Variants in UFL1 observed in about 807,000 individuals in gnomAD.
UFL1 encodes the protein E3 UFM1-protein ligase 1.
In UFL1, 78 loss-of-function variants were observed where a neutral mutation model predicts 99.3. The observed-to-expected ratio is 0.79, with a 90% CI of 0.65 to 0.95. The LOEUF is 0.95. Among genes scored for constraint, UFL1 ranks in the 40% least tolerant of loss-of-function variants. UFL1 has a pLI of 0.00. For synonymous variants in UFL1, 335 were observed against 322.2 expected, an observed-to-expected ratio of 1.04 and a Z score of -0.42; for missense variants, 936 against 937.0, an observed-to-expected ratio of 1.00 and a Z score of 0.01.
At chr6:96,550,021 T>A in intron 15 of UFL1, among the ~76,000 whole-genome samples, 1 of 151,914 alleles carries the variant, frequency 6.6e-6, no homozygotes, top group African/African-American at 2.4e-5. Flanking sequence ...TTAATTACTT[T>A]AGAATAAACA....
rs779149142 is a variant in UFL1 at position 96,523,175 on chromosome 6, T to G, written c.107T>G (p.Val36Gly). The G allele has an allele frequency of 6.2e-7, 1 of 1,612,770 alleles. No individual in the cohort carries two copies. The highest frequency in any genetic ancestry group is 8.5e-7 in the Non-Finnish European group (1 of 1,179,406). The change falls in exon 2 of 19, where the codon GTT (valine) becomes GGT (glycine). Residue 36 changes from valine to glycine, a missense_variant. Coordinates refer to ENST00000369278, the MANE Select transcript of UFL1 (RefSeq NM_015323.5). ...TCCGAGCGGAACTGCATTGAGATTG[T>G]TAATAAATTGATTGCTCAGAAACAG... ...RLSERNCIEI[V>G]NKLIAQKQLE... is the part of the protein sequence containing the mutation.
At chr6:96,523,110 G>A (rs1321058825) in intron 1 of UFL1, 36 bp from the exon 2 acceptor site, 1 of 1,570,378 alleles carries the variant, frequency 6.4e-7, no homozygotes, top group African/African-American at 1.4e-5. Flanking sequence ...AATGTCTCAA[G>A]TGGACTTTTG....
chr6:96,550,236 G>A (rs1770058854), intron 15 of UFL1, among the ~76,000 whole-genome samples: 1 of 151,722 alleles, frequency 6.6e-6, no homozygotes, highest in Non-Finnish European at 1.5e-5. Flanking sequence ...GCTATGTAAT[G>A]TAGAGAATGG....
Position 96,541,951 on chromosome 6 carries a change from TAGA to T in UFL1, c.1280-940_1280-938del, listed in dbSNP as rs757435685. ...TATTATAAAAGAAAGGGAAAAATAA[TAGA>T]AGTTTAAATCTAGGATGTGATGAAA... is the stretch of plus-strand genomic sequence containing the variant. On this transcript the variant is annotated intron_variant, in intron 11 of 18. Coordinates refer to ENST00000369278, the MANE Select transcript of UFL1 (RefSeq NM_015323.5). Among the ~76,000 whole-genome samples the T allele has an allele frequency of 3.3e-5, 5 of 151,262 alleles. No individual in the cohort carries two copies. In the East Asian group the frequency reaches 9.7e-4, roughly 29 times the overall value.
At chr6:96,547,394 A>G (rs765016366) in intron 12 of UFL1, among the ~76,000 whole-genome samples, 3 of 151,596 alleles carry the variant, frequency 2.0e-5, no homozygotes, top group Non-Finnish European at 3.0e-5. Context: ...TTCAACCTCT[A>G]TGGAAAACAG....
At chr6:96,522,023 A>G (rs1317641583) in intron 1 of UFL1, 73 bp downstream of exon 1, 2 of 1,502,968 alleles carry the variant, frequency 1.3e-6, no homozygotes, top group Admixed American at 3.8e-5. Flanking sequence ...CTGGGACTTT[A>G]GACCCGCGGC....
chr6:96,542,834 T>C (rs1306894851), intron 11 of UFL1, 60 bp from the exon 12 acceptor site: 4 of 1,445,814 alleles, frequency 2.8e-6, no homozygotes, highest in East Asian at 5.3e-5. Flanking sequence ...TATAGTGTCA[T>C]TATTTTATAA....
At chr6:96,532,597 G>A (rs1024604778) in intron 6 of UFL1, among the ~76,000 whole-genome samples, 2 of 152,208 alleles carry the variant, frequency 1.3e-5, no homozygotes, top group Non-Finnish European at 2.9e-5. Flanking sequence ...AGAGTATATT[G>A]TTGAAAGGAT....
At chr6:96,551,740 G>T in intron 16 of UFL1, 98 bp from the exon 17 acceptor site, 1 of 872,814 alleles carries the variant, frequency 1.1e-6, no homozygotes, top group Non-Finnish European at 1.8e-6. Flanking sequence ...TTTAAAAATT[G>T]TATTTGGGAT....
chr6:96,537,641 T>G, intron 9 of UFL1, 92 bp downstream of exon 9: 1 of 1,318,998 alleles, frequency 7.6e-7, no homozygotes, highest in Non-Finnish European at 1.0e-6. Context: ...TACATAAAGG[T>G]GGTCTTGGCT....
rs769958694 is a variant in UFL1, at chr6:96,549,434, G to A, written c.1543G>A (p.Glu515Lys). 76 of 1,596,016 alleles carry A rather than the reference G, an allele frequency of 4.8e-5. No individual in the cohort carries two copies. Among genetic ancestry groups the A allele is most frequent in the Non-Finnish European group, 5.7e-5 (67 of 1,174,980 alleles). The change falls in exon 14 of 19, where the codon GAG becomes AAG. Residue 515 changes from glutamate to lysine, a missense_variant. Coordinates refer to ENST00000369278, the MANE Select transcript of UFL1 (RefSeq NM_015323.5). ...LIKPLNKTYL[E>K]VVRSVFMSST... ...CAGACCTCTTAATAAAACTTATCTC[G>A]AGGTGGTACGTTCAGTATTCATGTC...
At position 96,524,427 on chromosome 6, in the gene UFL1, T is replaced by C. The variant is rs755007080; in HGVS notation, c.252+17T>C. The C allele has an allele frequency of 6.4e-7, 1 of 1,567,778 alleles. No homozygotes were observed. The highest frequency in any genetic ancestry group is 2.0e-5 in the Admixed American group (1 of 50,008). ...CTACAACAGGTAGGTTTTAAATTTA[T>C]AAAATTTTTGCTTTACTTTCTCAAT... is the stretch of plus-strand genomic sequence containing the variant. On this transcript the variant is annotated intron_variant, in intron 3 of 18. Coordinates refer to ENST00000369278, the MANE Select transcript of UFL1 (RefSeq NM_015323.5).
rs1770133360 is a variant in UFL1 at position 96,554,863 on chromosome 6, A to G, written c.*1360A>G. ...TTCATATGGGCAAAGGGAAAAAATG[A>G]TAAATCCTCTGTAATCACAAACCCC... On this transcript the variant is annotated 3_prime_UTR_variant, in exon 19 of 19. Transcript: ENST00000369278. 1 of 152,584 alleles carries G rather than the reference A, an allele frequency of 6.6e-6. No homozygotes were observed. The highest frequency in any genetic ancestry group is 2.4e-5 in the African/African-American group (1 of 41,462). 9.5% of individuals were successfully genotyped at this position (152,584 alleles called of 1,614,324 possible).
intron 8 of UFL1, 119 bp from the exon 9 acceptor site, chr6:96,537,255 G>A: frequency 1.4e-6 from 1 of 713,844 alleles, no homozygotes; most frequent in Non-Finnish European, 2.1e-6. Flanking sequence ...GGAGTTAGAG[G>A]AGTTAAGAAG....
Position 96,548,257 on chromosome 6 carries a change from C to T in UFL1, c.1496C>T (p.Ser499Leu), listed in dbSNP as rs142752446. ...HIQDAPEEFI[S>L]ELAEYLIKPL... ...CAAGATGCCCCTGAGGAGTTTATTTCGGAACTTGCTGAGTACTTAATAAAG... is the reference window on the plus strand; with the variant it reads ...CAAGATGCCCCTGAGGAGTTTATTTTGGAACTTGCTGAGTACTTAATAAAG... Residue 499 changes from serine to leucine, a missense_variant, in exon 13 of 19, where the codon TCG becomes TTG. Physicochemically the swap from Ser to Leu is moderately radical, Grantham distance 145. Coordinates refer to ENST00000369278, the MANE Select transcript of UFL1 (RefSeq NM_015323.5). The T allele has an allele frequency of 9.6e-4, 1,543 of 1,599,928 alleles. 29 individuals are homozygous for T. In the East Asian group the frequency reaches 0.029, roughly 30 times the overall value.
rs750472217 is a variant in UFL1, at chr6:96,551,909, CA to C, written c.1978del (p.Arg660GlyfsTer17). On this transcript the variant is annotated frameshift_variant, in exon 17 of 19. Coordinates refer to ENST00000369278, the MANE Select transcript of UFL1 (RefSeq NM_015323.5). LOFTEE classifies it high-confidence loss of function. ...ACDIMVKRGD[K>X]KRERQILFQH... The stretch of plus-strand genomic sequence containing the variant: ...GTGATATTATGGTGAAAAGGGGAGA[CA>C]AAAAAAGGGAAAGGTAACATTAAAT... The C allele has an allele frequency of 9.4e-6, 15 of 1,595,934 alleles. No individual in the cohort carries two copies. Among genetic ancestry groups the C allele is most frequent in the Admixed American group, 3.5e-5 (2 of 57,712 alleles).
chr6:96,536,461 T>A, intron 8 of UFL1, 71 bp downstream of exon 8: 1 of 1,268,252 alleles, frequency 7.9e-7, no homozygotes, highest in East Asian at 2.6e-5. Flanking sequence ...AGTATTATAC[T>A]AACCCTAGAG....
At chr6:96,550,234 A>G (rs1770058790) in intron 15 of UFL1, among the ~76,000 whole-genome samples, 1 of 151,856 alleles carries the variant, frequency 6.6e-6, no homozygotes, top group Non-Finnish European at 1.5e-5. Context: ...TTGCTATGTA[A>G]TGTAGAGAAT....
Position 96,527,769 on chromosome 6 carries a change from C to A in UFL1, c.466-733C>A, listed in dbSNP as rs961343424. Among the ~76,000 whole-genome samples, 7 of 152,140 alleles carry A rather than the reference C, an allele frequency of 4.6e-5. No individual in the cohort carries two copies. In the East Asian group the frequency reaches 1.4e-3, roughly 29 times the overall value. ...GTTTTTAATATGTTTCAGTTCCATT[C>A]TGAATATAGCAGTATTCTAAAAGCT... On this transcript the variant is annotated intron_variant, in intron 5 of 18. Coordinates refer to ENST00000369278, the MANE Select transcript of UFL1 (RefSeq NM_015323.5).
Sources: allele counts gnomAD v4.1 joint callset (sites outside exome capture counted in the v4.1 genomes callset), GRCh38; gene constraint gnomAD v4.1.1; transcripts MANE v1.5; gene names NCBI Gene and HGNC (gene_info 2026-07-23, HGNC 2026-07-21).